The following CCDC3 variants were observed in gnomAD, a reference collection of about 807,000 sequenced individuals.
CCDC3 encodes coiled-coil domain containing 3, also known as coiled-coil domain-containing protein 3.
Under a neutral mutation model 21.4 loss-of-function variants are expected in CCDC3, and 24 were observed. The observed-to-expected ratio is 1.12, with a 90% CI of 0.81 to 1.58. The LOEUF (loss-of-function observed/expected upper bound fraction) is 1.58, where lower values mean the gene tolerates loss of function less well. CCDC3 is among the 40% of genes most tolerant of loss of function. The pLI is 0.00. For synonymous variants in CCDC3, 186 were observed against 166.0 expected (o/e 1.12, Z -0.93); for missense variants, 425 against 360.9 (o/e 1.18, Z -1.44).
intron 5 of CCDC3, among the ~76,000 whole-genome samples, chr10:13,028,148 G>A (rs1836248722): frequency 6.6e-6 from 1 of 152,192 alleles, no homozygotes; most frequent in Non-Finnish European, 1.5e-5. Context: ...CATGTGTCAT[G>A]AGAGGGACCC....
intron 2 of CCDC3, among the ~76,000 whole-genome samples, chr10:12,907,815 C>T (rs940490091): frequency 6.6e-6 from 1 of 152,130 alleles, no homozygotes; most frequent in Non-Finnish European, 1.5e-5. Flanking sequence ...TACCAAATCC[C>T]TTAAGAATTG....
intron 2 of CCDC3, among the ~76,000 whole-genome samples, chr10:12,958,539 G>A (rs1465461195): frequency 2.6e-5 from 4 of 152,204 alleles, no homozygotes; most frequent in East Asian, 1.9e-4. Context: ...CAGCCCAGAC[G>A]ATGTGGCAAA....
In CCDC3 at chr10:13,039,491, T is replaced by C. The variant is rs971148696; in HGVS notation, c.-2+10183A>G. Among the ~76,000 whole-genome samples, 8 of 151,952 alleles carry C rather than the reference T, an allele frequency of 5.3e-5. No homozygotes were observed. In the East Asian group the frequency reaches 1.5e-3, roughly 29 times the overall value. On this transcript the variant is annotated intron_variant, in intron 5 of 6. Coordinates refer to the CCDC3 transcript ENST00000378839. ...TATTATTTGGTTATTTACACTGGAA[T>C]TGATAGTGCTTTGAGTTACAAATAA...
chr10:13,096,816 T>C (rs1274063426), intron 3 of CCDC3, among the ~76,000 whole-genome samples: 3 of 152,150 alleles, frequency 2.0e-5, no homozygotes, highest in African/African-American at 7.2e-5. Context: ...TTGATGCTCA[T>C]AAGACCACCA....
At chr10:12,964,280 G>T (rs1023281990) in intron 2 of CCDC3, among the ~76,000 whole-genome samples, 16 of 151,982 alleles carry the variant, frequency 1.1e-4, no homozygotes, top group Admixed American at 8.5e-4. Context: ...GCTGAGGCAG[G>T]AGAATCGCTT....
chr10:13,027,448 T>C (rs558516902), intron 5 of CCDC3, among the ~76,000 whole-genome samples: 2 of 152,294 alleles, frequency 1.3e-5, no homozygotes, highest in South Asian at 2.1e-4. Flanking sequence ...CCTGTCTCTT[T>C]CTCTCTGACG....
At chr10:12,977,353 G>A (rs563183306) in intron 2 of CCDC3, among the ~76,000 whole-genome samples, 64 of 152,094 alleles carry the variant, frequency 4.2e-4, no homozygotes, top group Admixed American at 4.2e-3. Flanking sequence ...AGAAAGTGTC[G>A]TGTCTTTAAG....
At chr10:12,920,177 G>A (rs1356773732) in intron 2 of CCDC3, among the ~76,000 whole-genome samples, 2 of 152,162 alleles carry the variant, frequency 1.3e-5, no homozygotes, top group African/African-American at 4.8e-5. Flanking sequence ...GGTGGAAGGT[G>A]AAAGGCACGT....
intron 2 of CCDC3, among the ~76,000 whole-genome samples, chr10:12,997,172 T>C (rs73583886): frequency 0.02 from 3,054 of 151,824 alleles, 115 homozygotes; most frequent in African/African-American, 0.07. Flanking sequence ...AGAAAGACAC[T>C]TCCCTCAAAC....
intron 5 of CCDC3, among the ~76,000 whole-genome samples, chr10:13,044,859 G>C (rs1383261237): frequency 2.0e-5 from 3 of 151,982 alleles, no homozygotes; most frequent in East Asian, 3.8e-4. Flanking sequence ...AAATAGTGTT[G>C]AATCTGTAGA....
At chr10:12,903,235 C>T (rs559011178) in intron 2 of CCDC3, among the ~76,000 whole-genome samples, 5 of 152,214 alleles carry the variant, frequency 3.3e-5, no homozygotes, top group Non-Finnish European at 7.3e-5. Context: ...AATAACCAAG[C>T]CACTGCTGAT....
intron 2 of CCDC3, among the ~76,000 whole-genome samples, chr10:12,952,994 G>A (rs2580895): frequency 0.99 from 150,263 of 151,954 alleles, 74,320 homozygotes; most frequent in Middle Eastern, 1. Flanking sequence ...GGAAGGAAGG[G>A]AGGGAGGGGT....
intron 2 of CCDC3, among the ~76,000 whole-genome samples, chr10:12,963,288 T>G (rs10508452): frequency 0.64 from 97,762 of 151,992 alleles, 32,094 homozygotes; most frequent in Middle Eastern, 0.76. Context: ...TTAACCTTGT[T>G]GACCTTTACA....
intron 3 of CCDC3, among the ~76,000 whole-genome samples, chr10:13,079,753 G>T (rs1361007991): frequency 3.3e-5 from 5 of 152,168 alleles, no homozygotes; most frequent in African/African-American, 1.2e-4. Context: ...GAAGAAAGAG[G>T]CTAAGCTCCA....
At chr10:13,034,918 T>C (rs1589046532) in intron 5 of CCDC3, among the ~76,000 whole-genome samples, 2 of 151,822 alleles carry the variant, frequency 1.3e-5, no homozygotes, top group East Asian at 3.9e-4. Context: ...CCCAGCTACT[T>C]GGGAGGCTGA....
intron 5 of CCDC3, among the ~76,000 whole-genome samples, chr10:13,047,904 C>T (rs1836549350): frequency 6.6e-6 from 1 of 152,128 alleles, no homozygotes; most frequent in African/African-American, 2.4e-5. Flanking sequence ...GTGGTCTCTG[C>T]CTTTCTCCAA....
intron 2 of CCDC3, among the ~76,000 whole-genome samples, chr10:12,922,232 A>G (rs149345821): frequency 2.3e-4 from 35 of 152,310 alleles, no homozygotes; most frequent in African/African-American, 8.4e-4. Flanking sequence ...TTGTGAATCC[A>G]GTCTACAGCG....
At chr10:12,908,928 G>C (rs1834220588) in intron 2 of CCDC3, among the ~76,000 whole-genome samples, 1 of 152,158 alleles carries the variant, frequency 6.6e-6, no homozygotes, top group Admixed American at 6.5e-5. Context: ...ACTGTCCATG[G>C]TGAGTGCAGA....
chr10:13,001,519 G>A lies in CCDC3; in HGVS notation c.52C>T (p.Pro18Ser), dbSNP rs1361744851. Residue 18 changes from proline (P) to serine (S), a missense_variant, in exon 1 of 3, where the codon CCC (proline) becomes TCC (serine). Coordinates refer to ENST00000378825, the MANE Select transcript of CCDC3 (RefSeq NM_031455.4). Reference protein sequence around the residue: ...AALCLAGPPAPARACQLPSEW... With the variant: ...AALCLAGPPASARACQLPSEW... ...GAGGGCAGCTGGCAGGCGCGCGCGG[G>A]CGCTGGGGGACCCGCCAGGCAGAGC... 2 of 1,319,188 alleles carry A rather than the reference G, an allele frequency of 1.5e-6. No individual in the cohort carries two copies. Among genetic ancestry groups the A allele is most frequent in the Admixed American group, 4.1e-5 (1 of 24,490 alleles). The allele number at this position is 1,319,188 out of a possible 1,614,324, so 81.7% of individuals were successfully genotyped here. A position where few individuals can be genotyped will look rare whatever the true frequency, so the allele number is the denominator to read the frequency against.
Sources: allele counts gnomAD v4.1 joint callset (sites outside exome capture counted in the v4.1 genomes callset), GRCh38; gene constraint gnomAD v4.1.1; transcripts MANE v1.5; gene names NCBI Gene and HGNC (gene_info 2026-07-23, HGNC 2026-07-21).